Variants in TENM2 observed in about 807,000 individuals in gnomAD.
TENM2 encodes the protein teneurin-2.
A neutral mutation model predicts 245.2 loss-of-function variants in TENM2; 52 were observed. That is an observed-to-expected ratio of 0.21 (90% CI 0.17 to 0.27). The LOEUF (loss-of-function observed/expected upper bound fraction) is 0.27. TENM2 is among the 10% of genes least tolerant of loss of function. The pLI is 1.00. For missense variants in TENM2, 3,046 were observed against 3,666.8 expected, an observed-to-expected ratio of 0.83 and a Z score of 4.37; for synonymous variants, 1,363 against 1,438.9, an observed-to-expected ratio of 0.95 and a Z score of 1.19.
chr5:167,544,263 G>A (rs927377040), intron 2 of TENM2, among the ~76,000 whole-genome samples: 2 of 152,234 alleles, frequency 1.3e-5, no homozygotes, highest in East Asian at 1.9e-4. Flanking sequence ...ATGGGGCCCT[G>A]GAGAGAATTA....
At chr5:167,173,673 A>C in the TENM2 span, among the ~76,000 whole-genome samples, 5 of 151,508 alleles carry the variant, frequency 3.3e-5, no homozygotes, top group East Asian at 9.7e-4. Context: ...AGTTTCCCAA[A>C]AGAGAATTTC....
intron 2 of TENM2, among the ~76,000 whole-genome samples, chr5:167,835,771 C>T (rs1185303888): frequency 6.6e-6 from 1 of 151,964 alleles, no homozygotes; most frequent in Non-Finnish European, 1.5e-5. Flanking sequence ...GCAGAAGCAG[C>T]AAGACAATGT....
intron 13 of TENM2, among the ~76,000 whole-genome samples, chr5:168,174,160 T>C (rs75105892): frequency 0.011 from 1,721 of 152,306 alleles, 40 homozygotes; most frequent in African/African-American, 0.038. Context: ...ATATATCTGC[T>C]TGAGTTATTA....
intron 4 of TENM2, among the ~76,000 whole-genome samples, chr5:167,955,329 G>A (rs1291729046): frequency 1.3e-5 from 2 of 151,660 alleles, no homozygotes; most frequent in African/African-American, 4.9e-5. Flanking sequence ...TTTTTTTCTT[G>A]TAAATTTGTT....
At chr5:167,464,008 A>G (rs1410548916) in intron 2 of TENM2, among the ~76,000 whole-genome samples, 3 of 152,208 alleles carry the variant, frequency 2.0e-5, no homozygotes, top group African/African-American at 7.2e-5. Context: ...AGGTGGGAGG[A>G]TGAAGATCGC....
chr5:167,365,082 G>A (rs1251837948), intron 1 of TENM2, among the ~76,000 whole-genome samples: 1 of 151,972 alleles, frequency 6.6e-6, no homozygotes, highest in Non-Finnish European at 1.5e-5. Context: ...GTTTCAAGAT[G>A]GAAATCCTGG....
the TENM2 span, among the ~76,000 whole-genome samples, chr5:167,220,188 G>A: frequency 6.6e-6 from 1 of 152,174 alleles, no homozygotes; most frequent in African/African-American, 2.4e-5. Context: ...GGCCTTAGAA[G>A]ATACCTCTTT....
At chr5:167,244,698 CTCCGAGGGAT>C in the TENM2 span, among the ~76,000 whole-genome samples, 24 of 152,130 alleles carry the variant, frequency 1.6e-4, no homozygotes, top group Admixed American at 9.2e-4. Flanking sequence ...GTCACTGTAC[CTCCGAGGGAT>C]AGGTGCTGGG....
intron 5 of TENM2, among the ~76,000 whole-genome samples, chr5:168,004,938 T>C (rs1328883509): frequency 6.6e-6 from 1 of 152,192 alleles, no homozygotes; most frequent in Non-Finnish European, 1.5e-5. Context: ...TTCTGACTCT[T>C]GTCCCCATCC....
chr5:167,163,414 G>A, the TENM2 span, among the ~76,000 whole-genome samples: 1 of 152,226 alleles, frequency 6.6e-6, no homozygotes, highest in Non-Finnish European at 1.5e-5. Flanking sequence ...TTCTAAATAT[G>A]AATACACATT....
chr5:168,064,451 T>A (rs569492749), intron 7 of TENM2, among the ~76,000 whole-genome samples: 1 of 152,276 alleles, frequency 6.6e-6, no homozygotes, highest in South Asian at 2.1e-4. Flanking sequence ...ACCAGAATCA[T>A]GGAAAAGCCA....
chr5:167,448,970 G>C (rs1002503151), intron 2 of TENM2, among the ~76,000 whole-genome samples: 2 of 151,528 alleles, frequency 1.3e-5, no homozygotes, highest in Non-Finnish European at 2.9e-5. Flanking sequence ...TGTCCTTACT[G>C]TTTTTAACCT....
chr5:168,111,775 AT>A (rs903745692), intron 9 of TENM2, among the ~76,000 whole-genome samples: 1 of 151,956 alleles, frequency 6.6e-6, no homozygotes, highest in South Asian at 2.1e-4. Flanking sequence ...AAGCAGCCTT[AT>A]TTTTTTCCCC....
chr5:168,001,200 G>T (rs753527928), intron 5 of TENM2, among the ~76,000 whole-genome samples: 1 of 152,146 alleles, frequency 6.6e-6, no homozygotes, highest in Non-Finnish European at 1.5e-5. Flanking sequence ...AATTGCCTCC[G>T]TTCCCAAATT....
At chr5:167,920,250 G>A (rs1777248795) in intron 3 of TENM2, among the ~76,000 whole-genome samples, 1 of 151,596 alleles carries the variant, frequency 6.6e-6, no homozygotes, top group Admixed American at 6.6e-5. Context: ...CCAACACATT[G>A]GGAGGCCGAG....
At chr5:168,150,468 C>G (rs1035135881) in intron 12 of TENM2, among the ~76,000 whole-genome samples, 1 of 152,164 alleles carries the variant, frequency 6.6e-6, no homozygotes, top group East Asian at 1.9e-4. Context: ...GGGGGCTTCC[C>G]CAAGTAGGAT....
intron 2 of TENM2, among the ~76,000 whole-genome samples, chr5:167,540,588 T>C (rs921674123): frequency 6.6e-6 from 1 of 152,194 alleles, no homozygotes; most frequent in African/African-American, 2.4e-5. Flanking sequence ...AGAGACCATA[T>C]GGACCACAAA....
At chr5:167,856,906 G>A (rs1771146192) in intron 2 of TENM2, among the ~76,000 whole-genome samples, 1 of 152,180 alleles carries the variant, frequency 6.6e-6, no homozygotes, top group Admixed American at 6.5e-5. Context: ...AACAACTGTT[G>A]TTAGAAAGCT....
intron 2 of TENM2, among the ~76,000 whole-genome samples, chr5:167,441,779 T>C (rs937267834): frequency 6.6e-6 from 1 of 152,208 alleles, no homozygotes; most frequent in African/African-American, 2.4e-5. Context: ...ATTTTTCTCC[T>C]TTTGGAAATG....
Sources: allele counts gnomAD v4.1 joint callset (sites outside exome capture counted in the v4.1 genomes callset), GRCh38; gene constraint gnomAD v4.1.1; transcripts MANE v1.5; gene names NCBI Gene and HGNC (gene_info 2026-07-23, HGNC 2026-07-21).